Variants in CA7 observed in about 807,000 individuals in gnomAD.
CA7 encodes carbonate dehydratase VII.
In CA7, 13 loss-of-function variants were observed where a neutral mutation model predicts 31.4. That is an observed-to-expected ratio of 0.41 (90% CI 0.27 to 0.66). The LOEUF is 0.66. Ranked by LOEUF, CA7 falls within the 30% of genes least tolerant of loss-of-function variation. CA7 has a pLI of 0.28. For synonymous variants in CA7, 128 were observed against 133.2 expected, an observed-to-expected ratio of 0.96 and a Z score of 0.27; for missense variants, 215 against 351.0, an observed-to-expected ratio of 0.61 and a Z score of 3.10.
intron 2 of CA7, among the ~76,000 whole-genome samples, chr16:66,850,237 C>T (rs1961011158): frequency 6.6e-6 from 1 of 151,590 alleles, no homozygotes. Context: ...CCCATGAGTT[C>T]AAGACCAGCC....
At chr16:66,848,751 G>T (rs554358126) in intron 2 of CA7, among the ~76,000 whole-genome samples, 1 of 152,312 alleles carries the variant, frequency 6.6e-6, no homozygotes, top group South Asian at 2.1e-4. Flanking sequence ...AGGGGTCCAA[G>T]GTCAAGGGGT....
In CA7 at chr16:66,853,609, C is replaced by A; in HGVS notation, c.*111C>A. On this transcript the variant is annotated 3_prime_UTR_variant, in exon 7 of 7. Coordinates refer to ENST00000338437, the MANE Select transcript of CA7 (RefSeq NM_005182.3). The surrounding 1 kb of genome is among the most constrained non-coding windows in gnomAD (Gnocchi z 4.5). ...TCCCTGGGGGGTGCTGGGGACCCTC[C>A]TTCAGCCAGTTTGCTCCTTGGTCAC... The A allele has an allele frequency of 6.9e-7, 1 of 1,444,846 alleles. No homozygotes were observed. The highest frequency in any genetic ancestry group is 9.4e-7 in the Non-Finnish European group (1 of 1,068,974). 89.5% of individuals were successfully genotyped at this position (1,444,846 alleles called of 1,614,324 possible).
chr16:66,844,470 T>G lies in CA7; in HGVS notation c.-18T>G. On this transcript the variant is annotated 5_prime_UTR_variant, in exon 1 of 7. Transcript: ENST00000338437. ...CGAGCCGACCGGGCAGGTGCACGGC[T>G]GCGGGGACGGCAGCGGCATGACCGG... 2 of 1,539,604 alleles carry G rather than the reference T, an allele frequency of 1.3e-6. No homozygotes were observed. The highest frequency in any genetic ancestry group is 1.8e-6 in the Non-Finnish European group (2 of 1,142,592).
chr16:66,846,202 T>C lies in CA7; in HGVS notation c.41-828T>C, dbSNP rs1478449516. Among the ~76,000 whole-genome samples, 18 of 149,010 alleles carry C rather than the reference T, an allele frequency of 1.2e-4. 1 individual carries two copies. The highest frequency in any genetic ancestry group is 1.1e-3 in the Admixed American group (17 of 15,026). Reference sequence around the variant, plus strand: ...GTGTGTGTGTGTGTGTGTGTGTGTGTGCATGGGCATGTGTTTTGCTGTGGT... The same window carrying C: ...GTGTGTGTGTGTGTGTGTGTGTGTGCGCATGGGCATGTGTTTTGCTGTGGT... On this transcript the variant is annotated intron_variant, in intron 1 of 6. Coordinates refer to ENST00000338437, the MANE Select transcript of CA7 (RefSeq NM_005182.3).
chr16:66,846,644 C>T (rs1960934566), intron 1 of CA7, among the ~76,000 whole-genome samples: 1 of 152,092 alleles, frequency 6.6e-6, no homozygotes, highest in South Asian at 2.1e-4. Context: ...AACACCAACA[C>T]CAAATTGCCC....
chr16:66,850,905 C>A lies in CA7; in HGVS notation c.357+246C>A, dbSNP rs144813955. Among the ~76,000 whole-genome samples the A allele has an allele frequency of 2.1e-3, 327 of 152,290 alleles. 1 individual carries two copies. Among genetic ancestry groups the A allele is most frequent in the African/African-American group, 7.6e-3 (314 of 41,564 alleles). On this transcript the variant is annotated intron_variant, in intron 3 of 6. Coordinates refer to ENST00000338437, the MANE Select transcript of CA7 (RefSeq NM_005182.3). ...GAAGGGCTACCCAGTCCCACTGCAGCCTTGCTGACAGCCCTTTAAGGGTTG... is the reference window on the plus strand; with the variant it reads ...GAAGGGCTACCCAGTCCCACTGCAGACTTGCTGACAGCCCTTTAAGGGTTG...
chr16:66,846,790 C>T (rs749897317), intron 1 of CA7, among the ~76,000 whole-genome samples: 26 of 152,182 alleles, frequency 1.7e-4, no homozygotes, highest in Non-Finnish European at 3.1e-4. Context: ...CATACAGTAC[C>T]TCTCTGGGCC....
chr16:66,847,159 T>A lies in CA7; in HGVS notation c.170T>A (p.Met57Lys). The A allele has an allele frequency of 6.2e-7, 1 of 1,614,214 alleles. No individual in the cohort carries two copies. Among genetic ancestry groups the A allele is most frequent in the Non-Finnish European group, 8.5e-7 (1 of 1,180,022 alleles). ...QPLELSYEAC[M>K]SLSITNNGHS... ...CTGGAGCTTTCCTATGAGGCCTGCA[T>A]GTCCCTCAGCATCACCAACAATGGC... The change falls in exon 2 of 7, where the codon ATG becomes AAG. Residue 57 changes from methionine (M) to lysine (K), a missense_variant. Coordinates refer to ENST00000338437, the MANE Select transcript of CA7 (RefSeq NM_005182.3).
chr16:66,851,549 T>C lies in CA7; in HGVS notation c.444T>C (p.Val148=), dbSNP rs747902788. 3.5e-5 allele frequency: 56 copies of C among 1,613,928 alleles called. 1 individual carries two copies. In the Admixed American group the frequency reaches 9.0e-4, roughly 26 times the overall value. The change falls in exon 4 of 7, where the codon GTT becomes GTC. Residue 148 remains valine, a synonymous_variant. Transcript: ENST00000338437. ...SAPDGLAVVG[V]FLETGDEHPS... is the part of the protein sequence containing the mutation. ...CTGATGGCCTGGCTGTGGTTGGTGTTTTTTTGGAGGTGAGTGGTGGTTTGC... is the reference window on the plus strand; with the variant it reads ...CTGATGGCCTGGCTGTGGTTGGTGTCTTTTTGGAGGTGAGTGGTGGTTTGC...
At chr16:66,844,871 C>T (rs746939354) in intron 1 of CA7, 257 of 1,070,044 alleles carry the variant, frequency 2.4e-4, no homozygotes, top group Non-Finnish European at 2.7e-4. Flanking sequence ...GGGGGTGGCC[C>T]AGGGCAGCGG....
chr16:66,852,755 T>C lies in CA7; in HGVS notation c.560T>C (p.Leu187Pro). Residue 187 changes from leucine (L) to proline (P), a missense_variant, in exon 6 of 7, where the codon CTG (leucine) becomes CCG (proline). Physicochemically the swap from Leu to Pro is moderately conservative, Grantham distance 98. Coordinates refer to ENST00000338437, the MANE Select transcript of CA7 (RefSeq NM_005182.3). ...QFSCFNPKCLLPASRHYWTYP... is the reference protein window; with the variant it reads ...QFSCFNPKCLPPASRHYWTYP... ...AGCTGCTTCAACCCCAAGTGCCTCC[T>C]GCCTGCCAGCCGGCACTACTGGACC... 6.2e-7 allele frequency: 1 copy of C among 1,614,074 alleles called. No homozygotes were observed. Among genetic ancestry groups the C allele is most frequent in the Non-Finnish European group, 8.5e-7 (1 of 1,179,968 alleles).
chr16:66,845,342 T>C, intron 1 of CA7: 1 of 559,766 alleles, frequency 1.8e-6, no homozygotes, highest in Non-Finnish European at 2.3e-6. Flanking sequence ...CCTATTTCCC[T>C]GGGGAGCCAG....
intron 2 of CA7, 114 bp downstream of exon 2, chr16:66,847,341 C>A: frequency 2.3e-6 from 2 of 888,882 alleles, no homozygotes; most frequent in Non-Finnish European, 3.6e-6. Context: ...TTCCTCCTCT[C>A]ACCAGCTGTG....
chr16:66,851,819 G>C (rs1961062423), intron 5 of CA7, 93 bp downstream of exon 5: 4 of 1,135,358 alleles, frequency 3.5e-6, no homozygotes, highest in Non-Finnish European at 5.2e-6. Context: ...CATTCTGGGA[G>C]TAAACCCTTG....
At chr16:66,848,155 A>G (rs1277969915) in intron 2 of CA7, among the ~76,000 whole-genome samples, 1 of 152,220 alleles carries the variant, frequency 6.6e-6, no homozygotes, top group Non-Finnish European at 1.5e-5. Context: ...ACCTTTCATG[A>G]GAAGAGTGAT....
rs1365499707 is a variant in CA7, at chr16:66,850,676, A to T, written c.357+17A>T. Reference sequence around the variant, plus strand: ...CCCAGCGAGGTACGGGCCCTCCTCCACTTGAATCCCTCTGCTACATGGGAA... The same window carrying T: ...CCCAGCGAGGTACGGGCCCTCCTCCTCTTGAATCCCTCTGCTACATGGGAA... On this transcript the variant is annotated intron_variant, in intron 3 of 6. Coordinates refer to ENST00000338437, the MANE Select transcript of CA7 (RefSeq NM_005182.3). 6.6e-7 allele frequency: 1 copy of T among 1,521,194 alleles called. No homozygotes were observed. The highest frequency in any genetic ancestry group is 2.3e-5 in the East Asian group (1 of 44,406). The allele number at this position is 1,521,194 out of a possible 1,614,324, so 94.2% of individuals were successfully genotyped here. A position where few individuals can be genotyped will look rare whatever the true frequency, so the allele number is the denominator to read the frequency against.
chr16:66,853,626 C>A lies in CA7; in HGVS notation c.*128C>A, dbSNP rs1017483677. On this transcript the variant is annotated 3_prime_UTR_variant, in exon 7 of 7. Coordinates refer to ENST00000338437, the MANE Select transcript of CA7 (RefSeq NM_005182.3). This position sits in a 1 kb window ranked among gnomAD's most constrained non-coding sequence, Gnocchi z 4.5. ...GGACCCTCCTTCAGCCAGTTTGCTC[C>A]TTGGTCACCCTGGAGGCTTCTGGAT... The A allele has an allele frequency of 1.6e-6, 2 of 1,276,008 alleles. No homozygotes were observed. Among genetic ancestry groups the A allele is most frequent in the East Asian group, 2.4e-5 (1 of 41,738 alleles). 79.0% of individuals were successfully genotyped at this position (1,276,008 alleles called of 1,614,324 possible).
At chr16:66,850,698 G>A in intron 3 of CA7, 39 bp downstream of exon 3, 2 of 1,432,574 alleles carry the variant, frequency 1.4e-6, no homozygotes, top group Non-Finnish European at 2.0e-6. Flanking sequence ...CTGCTACATG[G>A]GAAGGAACGC....
In CA7 at chr16:66,853,459, A is replaced by G; in HGVS notation, c.756A>G (p.Pro252=). ...HMVNNFRPPQ[P]LKGRVVKASF... is the part of the protein sequence containing the mutation. The stretch of plus-strand genomic sequence containing the variant: ...TGAACAACTTCCGGCCACCACAGCC[A>G]CTGAAGGGCCGCGTGGTAAAGGCCT... The change falls in exon 7 of 7, where the codon CCA becomes CCG. Residue 252 remains proline (P), a synonymous_variant. Transcript: ENST00000338437. This position sits in a 1 kb window ranked among gnomAD's most constrained non-coding sequence, Gnocchi z 4.5. 1.2e-6 allele frequency: 2 copies of G among 1,614,152 alleles called. No homozygotes were observed. The highest frequency in any genetic ancestry group is 1.7e-6 in the Non-Finnish European group (2 of 1,180,008).
Sources: allele counts gnomAD v4.1 joint callset (sites outside exome capture counted in the v4.1 genomes callset), GRCh38; gene constraint gnomAD v4.1.1; non-coding constraint Gnocchi (gnomAD v3.1); transcripts MANE v1.5; gene names NCBI Gene and HGNC (gene_info 2026-07-23, HGNC 2026-07-21).